The following USP6NL variants were observed in gnomAD, a reference collection of about 807,000 sequenced individuals.
USP6NL encodes the protein USP6 N-terminal like.
Under a neutral mutation model 61.9 loss-of-function variants are expected in USP6NL, and 26 were observed. The ratio of observed to expected loss-of-function variants is 0.42; its 90% CI spans 0.31 to 0.58. The LOEUF is 0.58. Ranked by LOEUF, USP6NL falls within the 20% of genes least tolerant of loss-of-function variation. USP6NL has a pLI of 0.16. For missense variants in USP6NL, 1,114 were observed against 1,034.3 expected (o/e 1.08, Z -1.06); for synonymous variants, 432 against 390.1 (o/e 1.11, Z -1.27).
chr10:11,494,138 G>C (rs1487579452), intron 7 of USP6NL, among the ~76,000 whole-genome samples: 2 of 152,230 alleles, frequency 1.3e-5, no homozygotes, highest in East Asian at 3.9e-4. Flanking sequence ...GGCTGTTTTA[G>C]AATTCTAAGT....
At position 11,562,108 on chromosome 10, in the gene USP6NL, G is replaced by A. The variant is rs1040178829; in HGVS notation, c.5-34541C>T. On this transcript the variant is annotated intron_variant, in intron 2 of 14. Coordinates refer to ENST00000609104, the MANE Select transcript of USP6NL (RefSeq NM_014688.5). The surrounding 1 kb of genome is among the most constrained non-coding windows in gnomAD (Gnocchi z 4.8). ...AGCCTGGCCAACATAGTGAAACTCC[G>A]TCTCTACTAAAAATACAAAAAATTA... is the stretch of plus-strand genomic sequence containing the variant. Among the ~76,000 whole-genome samples the A allele has an allele frequency of 4.6e-5, 7 of 152,020 alleles. No individual in the cohort carries two copies. In the East Asian group the frequency reaches 7.7e-4, roughly 17 times the overall value.
chr10:11,610,525 T>C (rs1034424044), intron 1 of USP6NL, among the ~76,000 whole-genome samples: 23 of 152,164 alleles, frequency 1.5e-4, no homozygotes, highest in African/African-American at 5.3e-4. Context: ...ATATTAAATA[T>C]CTATCCCAAA....
Position 11,597,592 on chromosome 10 carries a change from TC to T in USP6NL, c.4+38del. ...CTCCTAAGCACAATACAGCAAACGC[TC>T]CTGAGATGGCTGGAAGGAAAGGAAG... On this transcript the variant is annotated intron_variant, in intron 2 of 14. Coordinates refer to ENST00000609104, the MANE Select transcript of USP6NL (RefSeq NM_014688.5). This position sits in a 1 kb window ranked among gnomAD's most constrained non-coding sequence, Gnocchi z 4.6. The T allele has an allele frequency of 6.5e-7, 1 of 1,548,108 alleles. No individual in the cohort carries two copies. The highest frequency in any genetic ancestry group is 8.7e-7 in the Non-Finnish European group (1 of 1,143,732).
chr10:11,470,777 T>C lies in USP6NL; in HGVS notation c.1079-6928A>G, dbSNP rs139006812. Among the ~76,000 whole-genome samples, 8 of 152,326 alleles carry C rather than the reference T, an allele frequency of 5.3e-5. No homozygotes were observed. Among genetic ancestry groups the C allele is most frequent in the Admixed American group, 2.6e-4 (4 of 15,306 alleles). On this transcript the variant is annotated intron_variant, in intron 14 of 14. Coordinates refer to ENST00000609104, the MANE Select transcript of USP6NL (RefSeq NM_014688.5). This position sits in a 1 kb window ranked among gnomAD's most constrained non-coding sequence, Gnocchi z 5.4. ...ATATATAGGCAATAAGCATTCCTAT[T>C]TATTATCCACGCTTGCATTCTGGGC... is the stretch of plus-strand genomic sequence containing the variant.
At chr10:11,498,736 AG>A (rs1395060620) in intron 7 of USP6NL, among the ~76,000 whole-genome samples, 10 of 152,276 alleles carry the variant, frequency 6.6e-5, no homozygotes, top group Non-Finnish European at 1.5e-4. Flanking sequence ...AGATCAGGGA[AG>A]GTCTTTGCAA....
intron 14 of USP6NL, among the ~76,000 whole-genome samples, chr10:11,466,241 C>T (rs1832447155): frequency 6.6e-6 from 1 of 152,138 alleles, no homozygotes; most frequent in South Asian, 2.1e-4. Flanking sequence ...AGTGTGGTAA[C>T]CCAGAATTTA....
chr10:11,469,447 G>C (rs758358924), intron 14 of USP6NL, among the ~76,000 whole-genome samples: 12 of 152,196 alleles, frequency 7.9e-5, no homozygotes, highest in Non-Finnish European at 1.3e-4. Flanking sequence ...GCAGGGTTCG[G>C]GGGGGAAGAA....
rs138920035 is a variant in USP6NL, at chr10:11,474,758, T to A, written c.1078+7012A>T. Among the ~76,000 whole-genome samples, 180 of 152,098 alleles carry A rather than the reference T, an allele frequency of 1.2e-3. 1 individual carries two copies. Among genetic ancestry groups the A allele is most frequent in the African/African-American group, 3.9e-3 (162 of 41,476 alleles). On this transcript the variant is annotated intron_variant, in intron 14 of 14. Coordinates refer to ENST00000609104, the MANE Select transcript of USP6NL (RefSeq NM_014688.5). This position sits in a 1 kb window ranked among gnomAD's most constrained non-coding sequence, Gnocchi z 4.9. ...TACTGCAAAGGGCTGCTGGAAAAAA[T>A]TAAGTTAATATGTGAATTCAAAGCA...
At chr10:11,582,619 T>C (rs1277265386) in intron 2 of USP6NL, among the ~76,000 whole-genome samples, 1 of 152,232 alleles carries the variant, frequency 6.6e-6, no homozygotes, top group African/African-American at 2.4e-5. Flanking sequence ...GCAGATTATA[T>C]GATAGTAATT....
chr10:11,565,045 C>T (rs890761045), intron 2 of USP6NL: 1 of 152,200 alleles, frequency 6.6e-6, no homozygotes, highest in African/African-American at 2.4e-5. Flanking sequence ...AGATAGTCAT[C>T]ATTCTACAGG....
chr10:11,611,527 C>CGCGGCG lies in USP6NL; in HGVS notation c.-174_-169dup, dbSNP rs564723504. The CGCGGCG allele has an allele frequency of 1.9e-4, 30 of 159,328 alleles. 1 individual carries two copies. The highest frequency in any genetic ancestry group is 5.6e-4 in the East Asian group (3 of 5,390). The allele number at this position is 159,328 out of a possible 1,614,324, so 9.9% of individuals were successfully genotyped here. On this transcript the variant is annotated 5_prime_UTR_variant, in exon 1 of 15. Transcript: ENST00000609104. This position sits in a 1 kb window ranked among gnomAD's most constrained non-coding sequence, Gnocchi z 5.3. The stretch of plus-strand genomic sequence containing the variant: ...GCCGAGCAGATCCGGCGCGGCGCGG[C>CGCGGCG]GCGGCGGCGGCGGCGGCTACCGCAG...
At chr10:11,521,007 A>AAG (rs1432002153) in intron 4 of USP6NL, among the ~76,000 whole-genome samples, 3 of 152,220 alleles carry the variant, frequency 2.0e-5, no homozygotes, top group Non-Finnish European at 4.4e-5. Context: ...CATCTCTGGA[A>AAG]AGAGAGAGAC....
At chr10:11,579,882 A>T (rs1837682498) in intron 2 of USP6NL, among the ~76,000 whole-genome samples, 1 of 151,406 alleles carries the variant, frequency 6.6e-6, no homozygotes, top group Non-Finnish European at 1.5e-5. Context: ...TACAATACAC[A>T]GACAATACAC....
rs563923923 is a variant in USP6NL at position 11,596,742 on chromosome 10, G to A, written c.4+889C>T. 1.3e-5 allele frequency among the ~76,000 whole-genome samples: 2 copies of A among 152,054 alleles called. No homozygotes were observed. The highest frequency in any genetic ancestry group is 6.5e-5 in the Admixed American group (1 of 15,278). On this transcript the variant is annotated intron_variant, in intron 2 of 14. Coordinates refer to ENST00000609104, the MANE Select transcript of USP6NL (RefSeq NM_014688.5). This position sits in a 1 kb window ranked among gnomAD's most constrained non-coding sequence, Gnocchi z 4.1. Reference sequence around the variant, plus strand: ...ACTGAAAAGTCAAAAATCAAAGACCGTTCCTTACAATATTATTCTTAGTAG... The same window carrying A: ...ACTGAAAAGTCAAAAATCAAAGACCATTCCTTACAATATTATTCTTAGTAG...
chr10:11,484,579 G>C (rs1031337757), intron 13 of USP6NL, among the ~76,000 whole-genome samples: 1 of 152,058 alleles, frequency 6.6e-6, no homozygotes, highest in Admixed American at 6.6e-5. Flanking sequence ...CCAGCCTTTT[G>C]AACTAAGGGG....
chr10:11,503,613 C>G (rs1834310126), intron 6 of USP6NL, among the ~76,000 whole-genome samples: 1 of 152,160 alleles, frequency 6.6e-6, no homozygotes, highest in Non-Finnish European at 1.5e-5. Flanking sequence ...AATTACTGAG[C>G]ATTTACCATG....
At chr10:11,501,467 C>T (rs775845811) in intron 6 of USP6NL, among the ~76,000 whole-genome samples, 17 of 152,192 alleles carry the variant, frequency 1.1e-4, no homozygotes, top group Admixed American at 2.6e-4. Context: ...CAGGCCATTA[C>T]GGAAGTGTCC....
At chr10:11,484,203 G>T (rs556373540) in intron 13 of USP6NL, among the ~76,000 whole-genome samples, 1 of 152,274 alleles carries the variant, frequency 6.6e-6, no homozygotes, top group East Asian at 1.9e-4. Flanking sequence ...TGAAGCTCTA[G>T]AGCTTTCAAT....
rs1836798681 is a variant in USP6NL, at chr10:11,558,395, G to A, written c.5-30828C>T. 2.6e-5 allele frequency among the ~76,000 whole-genome samples: 4 copies of A among 152,294 alleles called. 1 individual carries two copies. The Middle Eastern group carries it at 0.01, about 389-fold the overall frequency. On this transcript the variant is annotated intron_variant, in intron 2 of 14. Coordinates refer to ENST00000609104, the MANE Select transcript of USP6NL (RefSeq NM_014688.5). ...TCGTCCTCAACAAGTTCTCCCATGA[G>A]TGAATACATCCATTCCCAAAATGGT...
Sources: gnomAD v4.1 joint callset for allele counts (sites outside exome capture counted in the v4.1 genomes callset) on GRCh38, gnomAD v4.1.1 for gene constraint, Gnocchi (gnomAD v3.1) non-coding constraint, MANE v1.5 for transcripts, NCBI Gene and HGNC (gene_info 2026-07-23, HGNC 2026-07-21) for gene names.